The following KIAA0586 variants were observed in gnomAD, a reference collection of about 807,000 sequenced individuals.
KIAA0586 encodes protein TALPID3.
Under a neutral mutation model 169.8 loss-of-function variants are expected in KIAA0586, and 144 were observed. The observed-to-expected ratio is 0.85, with a 90% CI of 0.74 to 0.97. The LOEUF (loss-of-function observed/expected upper bound fraction) is 0.97, where lower values mean the gene tolerates loss of function less well. KIAA0586 is among the 50% of genes least tolerant of loss of function. The pLI is 0.00. For missense variants in KIAA0586, 1,854 were observed against 1,823.0 expected, an observed-to-expected ratio of 1.02 and a Z score of -0.31; for synonymous variants, 625 against 612.4, an observed-to-expected ratio of 1.02 and a Z score of -0.30.
At chr14:58,455,567 T>C (rs2039756261) in intron 9 of KIAA0586, among the ~76,000 whole-genome samples, 1 of 152,218 alleles carries the variant, frequency 6.6e-6, no homozygotes, top group South Asian at 2.1e-4. Flanking sequence ...TGTCATGTGC[T>C]CCCACTGAAG....
At chr14:58,508,777 A>C (rs1008334921) in intron 28 of KIAA0586, 68 bp downstream of exon 28, 1 of 1,283,094 alleles carries the variant, frequency 7.8e-7, no homozygotes, top group Non-Finnish European at 1.1e-6. Flanking sequence ...TTAGCGTGGT[A>C]CCCCGTCAAG....
At chr14:58,527,581 C>A (rs1269318297) in intron 29 of KIAA0586, among the ~76,000 whole-genome samples, 1 of 152,108 alleles carries the variant, frequency 6.6e-6, no homozygotes, top group Non-Finnish European at 1.5e-5. Flanking sequence ...AATTTTCAAC[C>A]CAGAATTTTA....
At chr14:58,431,912 C>T (rs867870454) in intron 3 of KIAA0586, among the ~76,000 whole-genome samples, 6 of 152,010 alleles carry the variant, frequency 3.9e-5, no homozygotes, top group African/African-American at 1.4e-4. Context: ...GATTTTTGTA[C>T]GTTGATTTTG....
chr14:58,492,019 T>C, intron 25 of KIAA0586, 125 bp from the exon 26 acceptor site: 2 of 684,492 alleles, frequency 2.9e-6, no homozygotes, highest in South Asian at 2.9e-5. Flanking sequence ...AAAGAGTTCA[T>C]CTCCTTTCCA....
chr14:58,477,612 C>T (rs1307277906), intron 20 of KIAA0586, among the ~76,000 whole-genome samples: 1 of 152,134 alleles, frequency 6.6e-6, no homozygotes, highest in Admixed American at 6.5e-5. Flanking sequence ...TGTGCCTAGT[C>T]CTTGCCTGAT....
intron 29 of KIAA0586, among the ~76,000 whole-genome samples, chr14:58,534,946 G>C (rs2046193019): frequency 6.6e-6 from 1 of 152,150 alleles, no homozygotes; most frequent in Admixed American, 6.5e-5. Context: ...CAGTACACTT[G>C]TGGAAGCAGT....
Position 58,492,133 on chromosome 14 carries a change from G to GT in KIAA0586, c.3859-8dup, listed in dbSNP as rs1314032430. On this transcript the variant is annotated splice_polypyrimidine_tract_variant and intron_variant, in intron 25 of 30. Transcript: ENST00000652326. Reference sequence around the variant, plus strand: ...ATTTATTTTTATTAATTGTCTTTATGTTTCTTTTAGGAGGATGATCCTCCT... The same window carrying GT: ...ATTTATTTTTATTAATTGTCTTTATGTTTTCTTTTAGGAGGATGATCCTCCT... The GT allele has an allele frequency of 6.7e-7, 1 of 1,499,960 alleles. No individual in the cohort carries two copies. The allele number at this position is 1,499,960 out of a possible 1,614,324, so 92.9% of individuals were successfully genotyped here.
chr14:58,488,899 T>C, intron 24 of KIAA0586, 25 bp downstream of exon 24: 1 of 1,605,964 alleles, frequency 6.2e-7, no homozygotes, highest in Non-Finnish European at 8.5e-7. Flanking sequence ...ATTAGTTGAT[T>C]TTACTTGTTA....
chr14:58,483,696 G>T (rs1482730624), intron 21 of KIAA0586, among the ~76,000 whole-genome samples: 1 of 151,808 alleles, frequency 6.6e-6, no homozygotes, highest in Non-Finnish European at 1.5e-5. Context: ...AACCTTACTT[G>T]TGTTAAAAAG....
At chr14:58,531,835 A>G (rs1353140222) in intron 29 of KIAA0586, among the ~76,000 whole-genome samples, 1 of 152,224 alleles carries the variant, frequency 6.6e-6, no homozygotes, top group Admixed American at 6.5e-5. Flanking sequence ...CATACACACC[A>G]TGGAATAATA....
chr14:58,523,859 T>G (rs2045391762), intron 29 of KIAA0586, among the ~76,000 whole-genome samples: 1 of 152,010 alleles, frequency 6.6e-6, no homozygotes, highest in Non-Finnish European at 1.5e-5. Flanking sequence ...CCACCACTCC[T>G]GGCCTCAGTA....
intron 26 of KIAA0586, among the ~76,000 whole-genome samples, chr14:58,498,086 C>T (rs1322251191): frequency 3.3e-5 from 5 of 151,996 alleles, no homozygotes; most frequent in African/African-American, 4.8e-5. Context: ...ACCATGTTGG[C>T]CTGGATGGTC....
At chr14:58,521,880 G>C in intron 29 of KIAA0586, 2 of 1,213,824 alleles carry the variant, frequency 1.6e-6, no homozygotes, top group Non-Finnish European at 2.4e-6. Flanking sequence ...ACTAGATGAT[G>C]ATGACAATGA....
chr14:58,447,759 G>T (rs1595134208), intron 6 of KIAA0586, among the ~76,000 whole-genome samples: 1 of 152,122 alleles, frequency 6.6e-6, no homozygotes, highest in East Asian at 1.9e-4. Flanking sequence ...GGGATTACAG[G>T]CTTGAGCCAC....
Position 58,453,422 on chromosome 14 carries a change from C to G in KIAA0586, c.1202C>G (p.Thr401Ser). Residue 401 changes from threonine to serine, a missense_variant, in exon 9 of 31, where the codon ACC (threonine) becomes AGC (serine). Thr to Ser is a moderately conservative substitution (Grantham distance 58, BLOSUM62 1). Coordinates refer to ENST00000652326, the MANE Select transcript of KIAA0586 (RefSeq NM_001329943.3). ...ACAAGAAAAAGTGAATCATCAAACA[C>G]CACCTCACTAACTAGGTCAAAAATA... ...SLTRKSESSN[T>S]TSLTRSKIGW... The G allele has an allele frequency of 6.6e-7, 1 of 1,516,986 alleles. No homozygotes were observed. Among genetic ancestry groups the G allele is most frequent in the Non-Finnish European group, 8.9e-7 (1 of 1,125,132 alleles). 94.0% of individuals were successfully genotyped at this position (1,516,986 alleles called of 1,614,324 possible).
At chr14:58,476,873 G>A (rs1399909824) in intron 19 of KIAA0586, among the ~76,000 whole-genome samples, 1 of 151,956 alleles carries the variant, frequency 6.6e-6, no homozygotes, top group Non-Finnish European at 1.5e-5. Context: ...TTGCCAGAAT[G>A]GTCTTGAACT....
intron 6 of KIAA0586, among the ~76,000 whole-genome samples, chr14:58,444,915 GAAAAAAAAA>G (rs869127762): frequency 8.9e-6 from 1 of 111,988 alleles, no homozygotes; most frequent in Non-Finnish European, 1.8e-5. Flanking sequence ...CATCTCTTAG[GAAAAAAAAA>G]AAAAAAAAAA....
intron 27 of KIAA0586, among the ~76,000 whole-genome samples, chr14:58,507,894 C>A (rs536688335): frequency 3.3e-5 from 5 of 152,228 alleles, no homozygotes; most frequent in Non-Finnish European, 5.9e-5. Flanking sequence ...AAGCGATTCT[C>A]CTGCCTCAGC....
intron 26 of KIAA0586, among the ~76,000 whole-genome samples, chr14:58,495,858 C>T (rs1268543027): frequency 6.6e-6 from 1 of 151,978 alleles, no homozygotes; most frequent in Non-Finnish European, 1.5e-5. Context: ...GATTTAGATA[C>T]TAAGGCATGG....
Sources: gnomAD v4.1 joint callset for allele counts (sites outside exome capture counted in the v4.1 genomes callset) on GRCh38, gnomAD v4.1.1 for gene constraint, MANE v1.5 for transcripts, NCBI Gene and HGNC (gene_info 2026-07-23, HGNC 2026-07-21) for gene names.